The following EYS variants were observed in gnomAD, a reference collection of about 807,000 sequenced individuals.
The protein encoded by EYS is protein eyes shut homolog.
EYS carries 250 observed loss-of-function variants against 282.1 expected under a neutral mutation model. The ratio of observed to expected loss-of-function variants is 0.89; its 90% CI spans 0.80 to 0.98. The LOEUF is 0.98. Ranked by LOEUF, EYS falls within the 50% of genes least tolerant of loss-of-function variation. EYS has a pLI of 0.00. For missense variants in EYS, 4,016 were observed against 3,709.0 expected, an observed-to-expected ratio of 1.08 and a Z score of -2.15; for synonymous variants, 1,355 against 1,282.9, an observed-to-expected ratio of 1.06 and a Z score of -1.20.
chr6:64,191,476 T>TCCCCCCCCCCCCCCCCCC (rs542212151), intron 31 of EYS, among the ~76,000 whole-genome samples: 1 of 139,162 alleles, frequency 7.2e-6, no homozygotes, highest in African/African-American at 2.7e-5. Flanking sequence ...GTGCTATCCC[T>TCCCCCCCCCCCCCCCCCC]TCCCCCCCCA....
At chr6:63,732,853 A>G (rs1339310481) in intron 41 of EYS, among the ~76,000 whole-genome samples, 1 of 152,232 alleles carries the variant, frequency 6.6e-6, no homozygotes, top group East Asian at 1.9e-4. Context: ...ATCCTTGTGG[A>G]TGGAAATAGT....
At chr6:64,535,028 T>G (rs1764477044) in intron 26 of EYS, among the ~76,000 whole-genome samples, 1 of 152,188 alleles carries the variant, frequency 6.6e-6, no homozygotes, top group African/African-American at 2.4e-5. Context: ...TGCCTGTCCT[T>G]GTTCATTGTC....
chr6:65,175,426 A>G (rs1457627902), intron 12 of EYS, among the ~76,000 whole-genome samples: 2 of 151,384 alleles, frequency 1.3e-5, no homozygotes, highest in African/African-American at 4.8e-5. Context: ...AGCACAAGAA[A>G]AGATTATTTG....
intron 22 of EYS, among the ~76,000 whole-genome samples, chr6:64,728,624 C>T (rs1412284697): frequency 1.3e-5 from 2 of 152,152 alleles, no homozygotes; most frequent in African/African-American, 4.8e-5. Context: ...TGTGAGCCAC[C>T]GCGACCAGCC....
Position 63,721,554 on chromosome 6 carries a change from A to AC in EYS, c.8476dup (p.Val2826GlyfsTer15). 1 of 1,551,660 alleles carries AC rather than the reference A, an allele frequency of 6.4e-7. No homozygotes were observed. The highest frequency in any genetic ancestry group is 8.7e-7 in the Non-Finnish European group (1 of 1,146,866). ...GGGATTTACAAGATTTAAAGAAGAT[A>AC]CTCCTCCAATATAGAAGTCTGTATT... On this transcript the variant is annotated frameshift_variant, in exon 43 of 43. Transcript: ENST00000503581. LOFTEE classifies it low-confidence loss of function (END_TRUNC).
At chr6:64,726,552 A>C (rs1399170284) in intron 22 of EYS, among the ~76,000 whole-genome samples, 2 of 152,176 alleles carry the variant, frequency 1.3e-5, no homozygotes, top group Admixed American at 6.5e-5. Context: ...CAAAATGTTC[A>C]GATAGAAAAA....
intron 12 of EYS, among the ~76,000 whole-genome samples, chr6:65,136,401 C>T (rs1776023393): frequency 6.6e-6 from 1 of 151,874 alleles, no homozygotes; most frequent in East Asian, 1.9e-4. Context: ...ATTACGATCA[C>T]TTTTTTATAG....
chr6:64,103,841 G>T (rs1315062451), intron 31 of EYS, among the ~76,000 whole-genome samples: 2 of 152,062 alleles, frequency 1.3e-5, no homozygotes, highest in Non-Finnish European at 2.9e-5. Flanking sequence ...AAGAATGAGG[G>T]TAATAACAAG....
chr6:64,946,614 A>G (rs950989629), intron 14 of EYS, among the ~76,000 whole-genome samples: 1 of 152,018 alleles, frequency 6.6e-6, no homozygotes, highest in Non-Finnish European at 1.5e-5. Flanking sequence ...TAGAGAATCT[A>G]GATATAGCAT....
chr6:65,504,211 A>G (rs941608784), intron 2 of EYS, among the ~76,000 whole-genome samples: 1 of 144,638 alleles, frequency 6.9e-6, no homozygotes, highest in Non-Finnish European at 1.6e-5. Flanking sequence ...GGATACTATT[A>G]CAAATGGTAT....
intron 12 of EYS, among the ~76,000 whole-genome samples, chr6:65,136,842 T>C (rs932427024): frequency 6.6e-6 from 1 of 151,898 alleles, no homozygotes; most frequent in East Asian, 1.9e-4. Flanking sequence ...CCACCACACC[T>C]GGCTAATTTT....
intron 1 of EYS, among the ~76,000 whole-genome samples, chr6:65,648,625 G>A (rs189055688): frequency 6.6e-4 from 100 of 151,824 alleles, no homozygotes; most frequent in African/African-American, 2.3e-3. Context: ...TGGGTGATGG[G>A]TGCACCAAAA....
intron 32 of EYS, among the ~76,000 whole-genome samples, chr6:64,070,906 G>A (rs963416239): frequency 6.6e-6 from 1 of 151,944 alleles, no homozygotes; most frequent in Non-Finnish European, 1.5e-5. Flanking sequence ...CACCATGAGC[G>A]AAAATGTCAA....
At chr6:63,850,491 C>G (rs909320308) in intron 36 of EYS, among the ~76,000 whole-genome samples, 4 of 152,180 alleles carry the variant, frequency 2.6e-5, no homozygotes, top group African/African-American at 9.7e-5. Context: ...TCTGCAGAAA[C>G]CCTACAAGCC....
At chr6:65,277,869 A>G (rs1768092179) in intron 12 of EYS, among the ~76,000 whole-genome samples, 1 of 152,040 alleles carries the variant, frequency 6.6e-6, no homozygotes, top group South Asian at 2.1e-4. Flanking sequence ...TTAAGTTAAC[A>G]CGGGATGGAC....
intron 32 of EYS, among the ~76,000 whole-genome samples, chr6:64,073,857 A>T (rs1345688972): frequency 6.6e-6 from 1 of 151,650 alleles, no homozygotes. Flanking sequence ...ATAATGTTCT[A>T]ATTTGTGCTA....
At chr6:64,835,900 AT>A (rs886478415) in intron 19 of EYS, among the ~76,000 whole-genome samples, 6 of 151,756 alleles carry the variant, frequency 4.0e-5, no homozygotes, top group Non-Finnish European at 8.9e-5. Context: ...TAAGACCTAA[AT>A]TAAGATGATG....
At chr6:65,259,439 A>G (rs1385065591) in intron 12 of EYS, among the ~76,000 whole-genome samples, 1 of 152,108 alleles carries the variant, frequency 6.6e-6, no homozygotes, top group Non-Finnish European at 1.5e-5. Context: ...TTTGTGCACC[A>G]CAGTATAACA....
intron 2 of EYS, among the ~76,000 whole-genome samples, chr6:65,529,252 G>A (rs1767677365): frequency 6.6e-6 from 1 of 152,136 alleles, no homozygotes; most frequent in Non-Finnish European, 1.5e-5. Context: ...TCAACCTTAT[G>A]ATGTTCTGGC....
Sources: gnomAD v4.1 joint callset for allele counts (sites outside exome capture counted in the v4.1 genomes callset) on GRCh38, gnomAD v4.1.1 for gene constraint, MANE v1.5 for transcripts, NCBI Gene and HGNC (gene_info 2026-07-23, HGNC 2026-07-21) for gene names.